Variants in LRRC4C observed in about 807,000 individuals in gnomAD.
LRRC4C encodes the protein leucine rich repeat containing 4C.
A neutral mutation model predicts 33.6 loss-of-function variants in LRRC4C; 5 were observed. The observed-to-expected ratio is 0.15, with a 90% CI of 0.08 to 0.31. The LOEUF (loss-of-function observed/expected upper bound fraction) is 0.31, where lower values mean the gene tolerates loss of function less well. LRRC4C is among the 10% of genes least tolerant of loss of function. The pLI is 1.00. For missense variants in LRRC4C, 560 were observed against 796.7 expected (o/e 0.70, Z 3.58); for synonymous variants, 329 against 302.0 (o/e 1.09, Z -0.93).
intron 1 of LRRC4C, among the ~76,000 whole-genome samples, chr11:41,307,165 G>A (rs1950528205): frequency 6.6e-6 from 1 of 152,004 alleles, no homozygotes; most frequent in South Asian, 2.1e-4. Context: ...AGGGGAAAAA[G>A]TCAAAATGAA....
At chr11:41,423,512 A>G (rs1348395208) in intron 1 of LRRC4C, among the ~76,000 whole-genome samples, 4 of 152,106 alleles carry the variant, frequency 2.6e-5, no homozygotes, top group Non-Finnish European at 4.4e-5. Flanking sequence ...ATGGGGTGTC[A>G]TTTAATGGTT....
At chr11:40,375,642 T>C (rs1379222838) in intron 3 of LRRC4C, among the ~76,000 whole-genome samples, 1 of 152,158 alleles carries the variant, frequency 6.6e-6, no homozygotes, top group Non-Finnish European at 1.5e-5. Flanking sequence ...AGACAAAATA[T>C]TGTATGATGA....
intron 1 of LRRC4C, among the ~76,000 whole-genome samples, chr11:41,395,963 GGGCCACATGT>G (rs1451192360): frequency 6.6e-6 from 1 of 152,110 alleles, no homozygotes; most frequent in East Asian, 1.9e-4. Flanking sequence ...TGCCACCCAT[GGGCCACATGT>G]GGCCCAGGAC....
intron 1 of LRRC4C, among the ~76,000 whole-genome samples, chr11:41,119,039 T>G (rs1381636715): frequency 6.6e-6 from 1 of 152,102 alleles, no homozygotes; most frequent in Non-Finnish European, 1.5e-5. Context: ...TCAAGAGAAG[T>G]GTAAAGGGTA....
At chr11:41,318,818 T>G (rs1347748639) in intron 1 of LRRC4C, among the ~76,000 whole-genome samples, 1 of 152,062 alleles carries the variant, frequency 6.6e-6, no homozygotes, top group Non-Finnish European at 1.5e-5. Flanking sequence ...AAAAACCTGG[T>G]GAGATTGCAG....
chr11:40,293,736 G>A (rs1307269893), intron 4 of LRRC4C: 1 of 152,110 alleles, frequency 6.6e-6, no homozygotes, highest in Non-Finnish European at 1.5e-5. Context: ...TTCCAGCTGC[G>A]TTGGGTACAT....
intron 2 of LRRC4C, among the ~76,000 whole-genome samples, chr11:40,772,370 A>T (rs1949794967): frequency 6.6e-6 from 1 of 152,156 alleles, no homozygotes; most frequent in East Asian, 1.9e-4. Flanking sequence ...CTCCCAACAC[A>T]TGGTGAATAC....
chr11:41,248,877 A>G (rs1237206704), intron 1 of LRRC4C, among the ~76,000 whole-genome samples: 1 of 152,180 alleles, frequency 6.6e-6, no homozygotes, highest in Non-Finnish European at 1.5e-5. Context: ...TGGCAATTCC[A>G]TCCTACCAGA....
At chr11:40,802,749 G>A (rs191291595) in intron 2 of LRRC4C, among the ~76,000 whole-genome samples, 1 of 152,084 alleles carries the variant, frequency 6.6e-6, no homozygotes, top group Non-Finnish European at 1.5e-5. Flanking sequence ...CCAAATAATA[G>A]GAGTTGCCAA....
At chr11:40,670,945 A>G (rs538019657) in intron 2 of LRRC4C, among the ~76,000 whole-genome samples, 2 of 152,146 alleles carry the variant, frequency 1.3e-5, no homozygotes, top group South Asian at 4.2e-4. Context: ...TTGTATATTT[A>G]GTAGAGATGG....
intron 1 of LRRC4C, among the ~76,000 whole-genome samples, chr11:41,200,738 C>A (rs931680541): frequency 6.6e-6 from 1 of 152,052 alleles, no homozygotes; most frequent in South Asian, 2.1e-4. Context: ...TATGGCCCCC[C>A]CAAAAACTAT....
chr11:40,950,391 G>T (rs956059440), intron 1 of LRRC4C, among the ~76,000 whole-genome samples: 1 of 151,904 alleles, frequency 6.6e-6, no homozygotes, highest in Non-Finnish European at 1.5e-5. Flanking sequence ...GATGCTATTT[G>T]TCTATTTTTA....
At chr11:40,862,204 A>T (rs1483287001) in intron 2 of LRRC4C, among the ~76,000 whole-genome samples, 2 of 152,226 alleles carry the variant, frequency 1.3e-5, no homozygotes, top group Admixed American at 1.3e-4. Flanking sequence ...ACTATTCTAT[A>T]GTATATTACT....
chr11:41,330,368 T>G (rs1270995374), intron 1 of LRRC4C, among the ~76,000 whole-genome samples: 1 of 152,244 alleles, frequency 6.6e-6, no homozygotes, highest in Non-Finnish European at 1.5e-5. Context: ...TAGATTATAT[T>G]ATCAATGAGT....
intron 3 of LRRC4C, among the ~76,000 whole-genome samples, chr11:40,447,936 C>A (rs1015827011): frequency 5.3e-5 from 8 of 152,176 alleles, no homozygotes; most frequent in African/African-American, 1.9e-4. Context: ...CCTGCCTCAG[C>A]CTACCAAGTA....
intron 6 of LRRC4C, among the ~76,000 whole-genome samples, chr11:40,126,917 A>G (rs1856278600): frequency 1.3e-5 from 2 of 150,930 alleles, no homozygotes; most frequent in Non-Finnish European, 2.9e-5. Context: ...CTGAGATGGC[A>G]CCATTGCACT....
chr11:41,357,611 C>T (rs1230002219), intron 1 of LRRC4C, among the ~76,000 whole-genome samples: 2 of 151,894 alleles, frequency 1.3e-5, no homozygotes, highest in East Asian at 3.9e-4. Context: ...TTCTGGTGTT[C>T]CTTTTCCATA....
At chr11:40,344,919 T>A (rs1947053243) in intron 3 of LRRC4C, among the ~76,000 whole-genome samples, 1 of 151,980 alleles carries the variant, frequency 6.6e-6, no homozygotes, top group African/African-American at 2.4e-5. Context: ...ACAAAGAGAA[T>A]AAAATGCCTA....
chr11:41,273,831 G>T (rs1453808983), intron 1 of LRRC4C, among the ~76,000 whole-genome samples: 1 of 152,162 alleles, frequency 6.6e-6, no homozygotes. Flanking sequence ...GGCATCACAG[G>T]TGTGAGAATA....
Sources: gnomAD v4.1 joint callset for allele counts (sites outside exome capture counted in the v4.1 genomes callset) on GRCh38, gnomAD v4.1.1 for gene constraint, MANE v1.5 for transcripts, NCBI Gene and HGNC (gene_info 2026-07-23, HGNC 2026-07-21) for gene names.